The following PTPRC variants were observed in gnomAD, a reference collection of about 807,000 sequenced individuals.
PTPRC encodes the protein protein tyrosine phosphatase receptor type C, also known as receptor-type tyrosine-protein phosphatase C.
In PTPRC, 44 loss-of-function variants were observed where a neutral mutation model predicts 155.9. The ratio of observed to expected loss-of-function variants is 0.28; its 90% CI spans 0.22 to 0.36. The LOEUF is 0.36. PTPRC is among the 10% of genes least tolerant of loss of function. The pLI is 1.00. For missense variants in PTPRC, 1,401 were observed against 1,564.6 expected (o/e 0.90, Z 1.76); for synonymous variants, 525 against 533.1 (o/e 0.98, Z 0.21).
chr1:198,641,375 G>A (rs1211455583), intron 2 of PTPRC, among the ~76,000 whole-genome samples: 1 of 151,942 alleles, frequency 6.6e-6, no homozygotes, highest in Non-Finnish European at 1.5e-5. Flanking sequence ...TTAGTTTAGT[G>A]CCTACAGGAA....
intron 2 of PTPRC, among the ~76,000 whole-genome samples, chr1:198,659,396 C>T (rs1241562959): frequency 2.0e-5 from 3 of 152,178 alleles, no homozygotes; most frequent in African/African-American, 7.2e-5. Flanking sequence ...GGCCCCTCCC[C>T]AGGTGGGATT....
At chr1:198,742,499 C>G in intron 25 of PTPRC, 132 bp downstream of exon 25, 5 of 1,165,580 alleles carry the variant, frequency 4.3e-6, no homozygotes, top group Non-Finnish European at 4.9e-6. Flanking sequence ...TTCCTGAAAA[C>G]TAAAACGTGG....
At chr1:198,715,253 G>A (rs1653523225) in intron 12 of PTPRC, among the ~76,000 whole-genome samples, 1 of 151,984 alleles carries the variant, frequency 6.6e-6, no homozygotes, top group Non-Finnish European at 1.5e-5. Context: ...CTCCCTAGTA[G>A]CTGGGACTAC....
chr1:198,682,633 A>T (rs1665400278), intron 2 of PTPRC, among the ~76,000 whole-genome samples: 1 of 152,318 alleles, frequency 6.6e-6, no homozygotes, highest in African/African-American at 2.4e-5. Context: ...TACAAGGTAT[A>T]GGTTGATCAG....
At chr1:198,702,669 A>G (rs1277722688) in intron 6 of PTPRC, 139 bp downstream of exon 6, 1 of 1,128,954 alleles carries the variant, frequency 8.9e-7, no homozygotes, top group Non-Finnish European at 1.3e-6. Flanking sequence ...TATCAACACC[A>G]AATTATGCAA....
At chr1:198,648,382 G>A (rs527561573) in intron 2 of PTPRC, among the ~76,000 whole-genome samples, 1 of 151,742 alleles carries the variant, frequency 6.6e-6, no homozygotes, top group South Asian at 2.1e-4. Context: ...GTTGTAGGGG[G>A]TGGGGTGAAG....
intron 9 of PTPRC, 120 bp downstream of exon 9, chr1:198,707,072 T>A (rs1488110151): frequency 1.2e-5 from 10 of 803,492 alleles, no homozygotes; most frequent in Non-Finnish European, 2.0e-5. Context: ...GAAAGGAAAT[T>A]CCTTGGAAAC....
At chr1:198,671,762 G>A (rs1664661319) in intron 2 of PTPRC, among the ~76,000 whole-genome samples, 1 of 152,096 alleles carries the variant, frequency 6.6e-6, no homozygotes, top group Non-Finnish European at 1.5e-5. Flanking sequence ...AGCTTCCATA[G>A]ACTTGCCTGA....
chr1:198,656,061 T>G (rs911841562), intron 2 of PTPRC, among the ~76,000 whole-genome samples: 8 of 152,078 alleles, frequency 5.3e-5, no homozygotes, highest in African/African-American at 1.9e-4. Context: ...ACTTAAAAGA[T>G]TCACAGGTGA....
chr1:198,663,099 T>C (rs980240537), intron 2 of PTPRC, among the ~76,000 whole-genome samples: 2 of 152,172 alleles, frequency 1.3e-5, no homozygotes, highest in African/African-American at 4.8e-5. Flanking sequence ...GAGTCTATGA[T>C]TACCCACTGA....
chr1:198,671,457 A>G lies in PTPRC; in HGVS notation c.74-20890A>G, dbSNP rs112297926. Among the ~76,000 whole-genome samples the G allele has an allele frequency of 9.8e-3, 1,497 of 151,980 alleles. 24 individuals carry two copies. Among genetic ancestry groups the G allele is most frequent in the African/African-American group, 0.034 (1,407 of 41,420 alleles). The stretch of plus-strand genomic sequence containing the variant: ...CTCTTTCTCTATTCCCTTGTTACCT[A>G]TTGGTGTTGGTATGTATTCCATTCT... On this transcript the variant is annotated intron_variant, in intron 2 of 32. Coordinates refer to ENST00000442510, the MANE Select transcript of PTPRC (RefSeq NM_002838.5).
chr1:198,659,107 A>ATATATACTTTTTT (rs1273014471), intron 2 of PTPRC, among the ~76,000 whole-genome samples: 1 of 152,156 alleles, frequency 6.6e-6, no homozygotes, highest in Non-Finnish European at 1.5e-5. Context: ...ATTTTGAGAG[A>ATATATACTTTTTT]TAAGAGAATA....
chr1:198,752,557 TCACTC>T, intron 30 of PTPRC, 32 bp from the exon 31 acceptor site: 1 of 1,593,250 alleles, frequency 6.3e-7, no homozygotes, highest in South Asian at 1.1e-5. Flanking sequence ...AAGCTGAACT[TCACTC>T]CAGTTAATGC....
At chr1:198,663,708 T>G (rs1664116586) in intron 2 of PTPRC, among the ~76,000 whole-genome samples, 1 of 152,234 alleles carries the variant, frequency 6.6e-6, no homozygotes, top group African/African-American at 2.4e-5. Context: ...ACTTACTGCT[T>G]TTCTCTGGGA....
At chr1:198,648,991 G>C (rs1240625031) in intron 2 of PTPRC, among the ~76,000 whole-genome samples, 1 of 151,626 alleles carries the variant, frequency 6.6e-6, no homozygotes, top group Non-Finnish European at 1.5e-5. Context: ...AAACACATAA[G>C]GTTCTCATCT....
intron 25 of PTPRC, 58 bp downstream of exon 25, chr1:198,742,425 C>T (rs1654946371): frequency 6.3e-7 from 1 of 1,586,292 alleles, no homozygotes. Flanking sequence ...TAAATCTTTT[C>T]CAAGTGATAA....
At chr1:198,748,243 G>T (rs1571892541) in intron 27 of PTPRC, 44 bp downstream of exon 27, 1 of 1,561,534 alleles carries the variant, frequency 6.4e-7, no homozygotes, top group Non-Finnish European at 8.7e-7. Flanking sequence ...ATAAAGTTAA[G>T]CTCTTTTGGA....
intron 2 of PTPRC, among the ~76,000 whole-genome samples, chr1:198,689,283 C>G (rs1195305871): frequency 6.6e-6 from 1 of 152,124 alleles, no homozygotes; most frequent in Non-Finnish European, 1.5e-5. Flanking sequence ...TGGTTGGAAA[C>G]AGTTCTAGTA....
At chr1:198,697,501 C>T (rs16843730) in intron 4 of PTPRC, among the ~76,000 whole-genome samples, 2,489 of 152,122 alleles carry the variant, frequency 0.016, 65 homozygotes, top group African/African-American at 0.057. Context: ...GCCATGTTCC[C>T]GGGAAAAATC....
Sources: allele counts gnomAD v4.1 joint callset (sites outside exome capture counted in the v4.1 genomes callset), GRCh38; gene constraint gnomAD v4.1.1; transcripts MANE v1.5; gene names NCBI Gene and HGNC (gene_info 2026-07-23, HGNC 2026-07-21).